Variants in NMT1 observed in about 807,000 individuals in gnomAD.
The protein encoded by NMT1 is N-myristoyltransferase 1.
A neutral mutation model predicts 63.4 loss-of-function variants in NMT1; 12 were observed. That is an observed-to-expected ratio of 0.19 (90% CI 0.12 to 0.31). The LOEUF is 0.31. NMT1 is among the 10% of genes least tolerant of loss of function. The pLI is 1.00. For missense variants in NMT1, 432 were observed against 634.6 expected (o/e 0.68, Z 3.43); for synonymous variants, 228 against 234.3 (o/e 0.97, Z 0.25).
At chr17:45,079,995 G>A (rs553180075) in intron 1 of NMT1, among the ~76,000 whole-genome samples, 24 of 152,302 alleles carry the variant, frequency 1.6e-4, no homozygotes, top group Admixed American at 2.6e-4. Flanking sequence ...ACTGCGCCCG[G>A]CCACATGTTT....
chr17:45,064,078 G>C (rs2053886060), intron 1 of NMT1, among the ~76,000 whole-genome samples: 1 of 151,170 alleles, frequency 6.6e-6, no homozygotes, highest in Non-Finnish European at 1.5e-5. Context: ...CCAGCTACTC[G>C]GGAGGCTGAG....
rs1363250321 is a variant in NMT1 at position 45,107,384 on chromosome 17, C to G, written c.*1745C>G. 2 of 152,680 alleles carry G rather than the reference C, an allele frequency of 1.3e-5. No homozygotes were observed. Among genetic ancestry groups the G allele is most frequent in the African/African-American group, 2.4e-5 (1 of 41,442 alleles). 9.5% of individuals were successfully genotyped at this position (152,680 alleles called of 1,614,324 possible). A position where few individuals can be genotyped will look rare whatever the true frequency, so the allele number is the denominator to read the frequency against. Reference sequence around the variant, plus strand: ...GGGGCCTGCAGGGCCCTCCCTTTTCCCATTGTTCCTGCGCTGCAAATTGCA... The same window carrying G: ...GGGGCCTGCAGGGCCCTCCCTTTTCGCATTGTTCCTGCGCTGCAAATTGCA... On this transcript the variant is annotated 3_prime_UTR_variant, in exon 12 of 12. Coordinates refer to ENST00000258960, the MANE Select transcript of NMT1 (RefSeq NM_021079.5).
At chr17:45,065,965 G>A (rs117207382) in intron 1 of NMT1, among the ~76,000 whole-genome samples, 15,729 of 151,190 alleles carry the variant, frequency 0.1, 946 homozygotes, top group Middle Eastern at 0.18. Flanking sequence ...TCCTGCCTTA[G>A]CCTCCCAAAG....
chr17:45,082,276 T>TG (rs575551416), intron 2 of NMT1, among the ~76,000 whole-genome samples: 213 of 151,866 alleles, frequency 1.4e-3, no homozygotes, highest in African/African-American at 4.7e-3. Context: ...TGTCCAGTTT[T>TG]TTTTTTTTTT....
rs554121873 is a variant in NMT1 at position 45,090,976 on chromosome 17, C to T, written c.386-2709C>T. Among the ~76,000 whole-genome samples, 8 of 152,084 alleles carry T rather than the reference C, an allele frequency of 5.3e-5. No homozygotes were observed. In the South Asian group the frequency reaches 8.3e-4, roughly 16 times the overall value. ...AGAGGCCATGATGCTGGCACCACAC[C>T]GAGGACAGCACAGGAGCCTTGGGCT... On this transcript the variant is annotated intron_variant, in intron 3 of 11. Transcript: ENST00000258960.
chr17:45,096,108 T>A, intron 4 of NMT1, 86 bp from the exon 5 acceptor site: 18 of 988,778 alleles, frequency 1.8e-5, no homozygotes, highest in East Asian at 7.4e-5. Context: ...TGCTTCATCC[T>A]TCTGAAAAGC....
intron 1 of NMT1, among the ~76,000 whole-genome samples, chr17:45,075,520 G>T (rs1440119435): frequency 6.7e-6 from 1 of 150,050 alleles, no homozygotes; most frequent in East Asian, 2.0e-4. Flanking sequence ...GGTGGCTCAC[G>T]CCTGTAATCC....
rs547051568 is a variant in NMT1 at position 45,108,009 on chromosome 17, G to T, written c.*2370G>T. 1.3e-5 allele frequency: 2 copies of T among 152,250 alleles called. No individual in the cohort carries two copies. Among genetic ancestry groups the T allele is most frequent in the Non-Finnish European group, 2.9e-5 (2 of 68,080 alleles). The allele number at this position is 152,250 out of a possible 1,614,324, so 9.4% of individuals were successfully genotyped here. On this transcript the variant is annotated 3_prime_UTR_variant, in exon 12 of 12. Coordinates refer to ENST00000258960, the MANE Select transcript of NMT1 (RefSeq NM_021079.5). ...GCGTTCTTCATTCAACCCCTTCTGGGACTTCAGCTCAGAGAGCACCATCCC... is the reference window on the plus strand; with the variant it reads ...GCGTTCTTCATTCAACCCCTTCTGGTACTTCAGCTCAGAGAGCACCATCCC...
At chr17:45,088,247 G>C (rs932226224) in intron 3 of NMT1, among the ~76,000 whole-genome samples, 1 of 152,220 alleles carries the variant, frequency 6.6e-6, no homozygotes, top group African/African-American at 2.4e-5. Flanking sequence ...GGGTCCCAGT[G>C]ACCAGTTTCT....
intron 3 of NMT1, among the ~76,000 whole-genome samples, chr17:45,089,584 C>T (rs1010125890): frequency 1.3e-5 from 2 of 152,072 alleles, no homozygotes; most frequent in Non-Finnish European, 2.9e-5. Context: ...TCGTGATCCA[C>T]GTGCCTTGGC....
Position 45,099,469 on chromosome 17 carries a change from A to C in NMT1, c.949A>C (p.Asn317His), listed in dbSNP as rs1326078809. Reference protein sequence around the residue: ...IEVKFSHLSRNMTMQRTMKLY... With the variant: ...IEVKFSHLSRHMTMQRTMKLY... Reference sequence around the variant, plus strand: ...AGTGAAGTTCTCCCACCTGAGCAGAAATATGACCATGCAGCGCACCATGAA... The same window carrying C: ...AGTGAAGTTCTCCCACCTGAGCAGACATATGACCATGCAGCGCACCATGAA... The change falls in exon 8 of 12, where the codon AAT becomes CAT. Residue 317 changes from asparagine (N) to histidine (H), a missense_variant. Coordinates refer to ENST00000258960, the MANE Select transcript of NMT1 (RefSeq NM_021079.5). 1 of 1,614,052 alleles carries C rather than the reference A, an allele frequency of 6.2e-7. No homozygotes were observed. Among genetic ancestry groups the C allele is most frequent in the Non-Finnish European group, 8.5e-7 (1 of 1,180,012 alleles).
At chr17:45,083,470 T>C (rs992381372) in intron 2 of NMT1, among the ~76,000 whole-genome samples, 9 of 152,142 alleles carry the variant, frequency 5.9e-5, no homozygotes, top group Admixed American at 5.9e-4. Flanking sequence ...GCTACCTTAT[T>C]GAGATATGAC....
intron 1 of NMT1, among the ~76,000 whole-genome samples, chr17:45,079,568 T>G (rs1009688265): frequency 6.6e-6 from 1 of 152,218 alleles, no homozygotes; most frequent in African/African-American, 2.4e-5. Context: ...AATAAAACAT[T>G]AATGAGGCTA....
At chr17:45,079,437 A>G (rs1420329020) in intron 1 of NMT1, among the ~76,000 whole-genome samples, 1 of 152,106 alleles carries the variant, frequency 6.6e-6, no homozygotes, top group African/African-American at 2.4e-5. Flanking sequence ...GAGGCTGAGC[A>G]TGGTGGCTCA....
chr17:45,102,176 T>C (rs1394461946), intron 8 of NMT1, among the ~76,000 whole-genome samples: 1 of 152,216 alleles, frequency 6.6e-6, no homozygotes, highest in Non-Finnish European at 1.5e-5. Context: ...ATTCCTGCAC[T>C]GGGAAGCATT....
At chr17:45,083,026 AAATT>A (rs1010980444) in intron 2 of NMT1, among the ~76,000 whole-genome samples, 2 of 145,790 alleles carry the variant, frequency 1.4e-5, no homozygotes, top group African/African-American at 5.1e-5. Flanking sequence ...CAAAAAATAA[AAATT>A]AAGTGGCCAG....
chr17:45,078,352 G>A (rs2053990719), intron 1 of NMT1, among the ~76,000 whole-genome samples: 1 of 152,140 alleles, frequency 6.6e-6, no homozygotes, highest in Non-Finnish European at 1.5e-5. Context: ...AAGGCTGGAG[G>A]TAACTTAAGT....
At chr17:45,073,374 C>T (rs776606246) in intron 1 of NMT1, among the ~76,000 whole-genome samples, 7 of 151,744 alleles carry the variant, frequency 4.6e-5, no homozygotes, top group East Asian at 3.9e-4. Flanking sequence ...GCCAAGATCA[C>T]GCCACTGCAC....
intron 1 of NMT1, among the ~76,000 whole-genome samples, chr17:45,069,749 C>T (rs1004677609): frequency 6.6e-6 from 1 of 152,056 alleles, no homozygotes. Flanking sequence ...TCTTTGGCTC[C>T]ATTTAACAGC....
Sources: allele counts gnomAD v4.1 joint callset (sites outside exome capture counted in the v4.1 genomes callset), GRCh38; gene constraint gnomAD v4.1.1; transcripts MANE v1.5; gene names NCBI Gene and HGNC (gene_info 2026-07-23, HGNC 2026-07-21).